CDH4: variants seen among roughly 807,000 people sequenced by gnomAD.
CDH4 encodes cadherin 4, also known as cadherin-4.
CDH4 carries 33 observed loss-of-function variants against 86.0 expected under a neutral mutation model. The ratio of observed to expected loss-of-function variants is 0.38; its 90% CI spans 0.29 to 0.51. The LOEUF is 0.51. CDH4 is among the 20% of genes least tolerant of loss of function. CDH4 has a pLI of 0.86. For synonymous variants in CDH4, 555 were observed against 549.4 expected (o/e 1.01, Z -0.14); for missense variants, 1,114 against 1,307.4 (o/e 0.85, Z 2.28).
chr20:61,930,216 C>A (rs2055090847), intron 13 of CDH4, among the ~76,000 whole-genome samples: 1 of 152,200 alleles, frequency 6.6e-6, no homozygotes, highest in Admixed American at 6.5e-5. Flanking sequence ...GTTAGCGTCC[C>A]CATCCAAAGT....
chr20:61,337,465 G>A (rs1323207279), intron 2 of CDH4, among the ~76,000 whole-genome samples: 1 of 150,352 alleles, frequency 6.7e-6, no homozygotes, highest in African/African-American at 2.4e-5. Context: ...AGAAGAAAGA[G>A]GGTGATGATG....
intron 2 of CDH4, among the ~76,000 whole-genome samples, chr20:61,672,453 G>C (rs1041008367): frequency 6.6e-6 from 1 of 152,208 alleles, no homozygotes; most frequent in African/African-American, 2.4e-5. Context: ...CAGACACACA[G>C]ACTTCAATCA....
chr20:61,546,892 G>T (rs985649896), intron 2 of CDH4, among the ~76,000 whole-genome samples: 1 of 152,136 alleles, frequency 6.6e-6, no homozygotes, highest in African/African-American at 2.4e-5. Context: ...ACGGGAGACA[G>T]GCAGGTAGTT....
chr20:61,936,848 T>C lies in CDH4; in HGVS notation c.2656T>C (p.Ser886Pro). 1 of 1,608,610 alleles carries C rather than the reference T, an allele frequency of 6.2e-7. No homozygotes were observed. Among genetic ancestry groups the C allele is most frequent in the Non-Finnish European group, 8.5e-7 (1 of 1,178,368 alleles). ...TAGSVSSLNS[S>P]SSGDQDYDYL... is the part of the protein sequence containing the mutation. ...AGGCTCCGTCAGCTCCCTGAACTCA[T>C]CCAGTTCCGGGGACCAAGACTACGA... The change falls in exon 16 of 16, where the codon TCC (serine) becomes CCC (proline). Residue 886 changes from serine to proline, a missense_variant. By Grantham distance (74) the Ser-to-Pro change is moderately conservative (BLOSUM62 -1). Coordinates refer to ENST00000614565, the MANE Select transcript of CDH4 (RefSeq NM_001794.5).
chr20:61,722,298 C>T (rs1050114903), intron 2 of CDH4, among the ~76,000 whole-genome samples: 2 of 152,154 alleles, frequency 1.3e-5, no homozygotes, highest in African/African-American at 4.8e-5. Flanking sequence ...TGATGAACAA[C>T]AGAGACGACC....
intron 5 of CDH4, among the ~76,000 whole-genome samples, chr20:61,852,493 G>A (rs1254675709): frequency 6.6e-6 from 1 of 152,226 alleles, no homozygotes; most frequent in Non-Finnish European, 1.5e-5. Flanking sequence ...GGTGGGCCTG[G>A]GCCTGACCAT....
chr20:61,342,081 T>C (rs914759913), intron 2 of CDH4, among the ~76,000 whole-genome samples: 2 of 152,148 alleles, frequency 1.3e-5, no homozygotes, highest in African/African-American at 2.4e-5. Context: ...GCCGTGCATG[T>C]AGGGTCTGGG....
chr20:61,724,094 C>T (rs1302696594), intron 2 of CDH4, among the ~76,000 whole-genome samples: 2 of 144,526 alleles, frequency 1.4e-5, no homozygotes, highest in South Asian at 4.3e-4. Flanking sequence ...GGTGGGTCCC[C>T]ATGCAGGGGG....
At chr20:61,261,972 GCT>G (rs1156370720) in intron 2 of CDH4, among the ~76,000 whole-genome samples, 1 of 152,208 alleles carries the variant, frequency 6.6e-6, no homozygotes, top group Admixed American at 6.5e-5. Flanking sequence ...CCAGAGCCGA[GCT>G]CTCTCTCGGA....
At chr20:61,283,439 G>GGC (rs1568780970) in intron 2 of CDH4, among the ~76,000 whole-genome samples, 9 of 24,276 alleles carry the variant, frequency 3.7e-4, no homozygotes, top group African/African-American at 5.2e-4. Context: ...CGTGTGCTGT[G>GGC]GTGTGTGTGA....
At chr20:61,728,834 C>G (rs1483548611) in intron 2 of CDH4, among the ~76,000 whole-genome samples, 2 of 152,182 alleles carry the variant, frequency 1.3e-5, no homozygotes, top group Admixed American at 1.3e-4. Context: ...TCGCACTTCT[C>G]CACACCGTTA....
At chr20:61,802,965 A>C (rs1361467482) in intron 4 of CDH4, among the ~76,000 whole-genome samples, 2 of 152,174 alleles carry the variant, frequency 1.3e-5, no homozygotes, top group African/African-American at 4.8e-5. Flanking sequence ...GGCTCTCTCC[A>C]ACATGGCAGC....
chr20:61,833,634 TTA>T (rs1209437319), intron 4 of CDH4, among the ~76,000 whole-genome samples: 1 of 152,104 alleles, frequency 6.6e-6, no homozygotes, highest in Admixed American at 6.5e-5. Context: ...TCAGCCTTCA[TTA>T]CTGACTGAGC....
chr20:61,486,303 G>A (rs1280412722), intron 2 of CDH4, among the ~76,000 whole-genome samples: 3 of 152,242 alleles, frequency 2.0e-5, no homozygotes, highest in Admixed American at 2.0e-4. Context: ...GCTGGAGAGT[G>A]ATGGGCCAGT....
chr20:61,914,946 TTCTCCAGA>T (rs374447440), intron 9 of CDH4, among the ~76,000 whole-genome samples: 9 of 152,258 alleles, frequency 5.9e-5, no homozygotes, highest in African/African-American at 1.7e-4. Flanking sequence ...ATTTCTGCAC[TTCTCCAGA>T]TCTCCAGCAC....
Position 61,940,514 on chromosome 20 carries a change from C to T in CDH4, c.*3571C>T, listed in dbSNP as rs748493156. ...GATGTTTTCAGTGTGTTTCCAGTGCCAGACAGTCTTGGTCCTGAACTCAGT... is the reference window on the plus strand; with the variant it reads ...GATGTTTTCAGTGTGTTTCCAGTGCTAGACAGTCTTGGTCCTGAACTCAGT... On this transcript the variant is annotated 3_prime_UTR_variant, in exon 16 of 16. Transcript: ENST00000614565. The T allele has an allele frequency of 2.6e-5, 4 of 152,100 alleles. No individual in the cohort carries two copies. Among genetic ancestry groups the T allele is most frequent in the Non-Finnish European group, 5.9e-5 (4 of 68,028 alleles). The allele number at this position is 152,100 out of a possible 1,614,324, so 9.4% of individuals were successfully genotyped here.
intron 2 of CDH4, among the ~76,000 whole-genome samples, chr20:61,460,123 T>G (rs1182809326): frequency 3.9e-5 from 6 of 152,188 alleles, no homozygotes; most frequent in Admixed American, 3.9e-4. Flanking sequence ...GTTAAATGAA[T>G]GTGCAAGGTG....
chr20:61,887,905 G>A (rs1422790434), intron 7 of CDH4, among the ~76,000 whole-genome samples: 3 of 152,230 alleles, frequency 2.0e-5, no homozygotes, highest in African/African-American at 2.4e-5. Flanking sequence ...ATGGGTGGCC[G>A]AGGGGGGCCG....
At chr20:61,477,156 T>C (rs1408838592) in intron 2 of CDH4, among the ~76,000 whole-genome samples, 2 of 152,180 alleles carry the variant, frequency 1.3e-5, no homozygotes, top group Non-Finnish European at 2.9e-5. Context: ...CGCCTCTGCC[T>C]GCCAGCGGAA....
Sources: gnomAD v4.1 joint callset for allele counts (sites outside exome capture counted in the v4.1 genomes callset) on GRCh38, gnomAD v4.1.1 for gene constraint, MANE v1.5 for transcripts, NCBI Gene and HGNC (gene_info 2026-07-23, HGNC 2026-07-21) for gene names.